MOK: variants seen among roughly 807,000 people sequenced by gnomAD.
The protein encoded by MOK is MOK protein kinase.
A neutral mutation model predicts 54.2 loss-of-function variants in MOK; 59 were observed. The observed-to-expected ratio is 1.09, with a 90% CI of 0.88 to 1.35. The LOEUF is 1.35. MOK is among the 40% of genes most tolerant of loss of function. The probability of loss-of-function intolerance (pLI) is 0.00; values close to 1 mark genes in which losing one functional copy is unlikely to be tolerated. For missense variants in MOK, 517 were observed against 526.2 expected (o/e 0.98, Z 0.17); for synonymous variants, 210 against 202.7 (o/e 1.04, Z -0.31).
chr14:102,279,595 A>C (rs2069205710), intron 2 of MOK, among the ~76,000 whole-genome samples: 1 of 152,050 alleles, frequency 6.6e-6, no homozygotes, highest in African/African-American at 2.4e-5. Flanking sequence ...TGTGAGACCC[A>C]CTGTGCCCAA....
downstream of MOK, among the ~76,000 whole-genome samples, chr14:102,223,876 A>G (rs116282308): frequency 0.029 from 4,389 of 152,142 alleles, 232 homozygotes; most frequent in African/African-American, 0.1. Context: ...GTCTGTGGCC[A>G]CTGTGGGCAG....
intron 7 of MOK, among the ~76,000 whole-genome samples, chr14:102,242,043 T>G (rs1030192260): frequency 1.3e-5 from 2 of 152,216 alleles, no homozygotes; most frequent in African/African-American, 4.8e-5. Flanking sequence ...TCCCTGGAAC[T>G]CTGGCCCAAG....
chr14:102,300,778 T>C lies in MOK; in HGVS notation c.7+4184A>G, dbSNP rs142170037. ...ACTTAATCTTTGAAACAATGCTATG[T>C]GATTGGTATTATCATCCCTGTTTAA... On this transcript the variant is annotated intron_variant, in intron 1 of 11. Transcript: ENST00000361847. Among the ~76,000 whole-genome samples the C allele has an allele frequency of 2.7e-3, 418 of 152,276 alleles. 1 individual carries two copies. The highest frequency in any genetic ancestry group is 9.3e-3 in the African/African-American group (386 of 41,554).
In MOK at chr14:102,235,656, A is replaced by C. The variant is rs541711250; in HGVS notation, c.591-1867T>G. The C allele has an allele frequency of 6.6e-5, 10 of 152,372 alleles. No individual in the cohort carries two copies. The East Asian group carries it at 1.9e-3, about 29-fold the overall frequency. The allele number at this position is 152,372 out of a possible 1,614,324, so 9.4% of individuals were successfully genotyped here. ...AAGGAATCTCCCAAAAGGCCAATGA[A>C]AACCCTGCCCAATTCCTTTCTCGCC... On this transcript the variant is annotated intron_variant, in intron 7 of 11. Coordinates refer to ENST00000361847, the MANE Select transcript of MOK (RefSeq NM_014226.3). The surrounding 1 kb of genome is among the most constrained non-coding windows in gnomAD (Gnocchi z 4.4).
intron 7 of MOK, among the ~76,000 whole-genome samples, chr14:102,247,168 C>T (rs1026984156): frequency 2.8e-4 from 42 of 152,198 alleles, no homozygotes; most frequent in South Asian, 6.2e-4. Context: ...CTTCCTCTTA[C>T]GCTGGGAAAA....
At chr14:102,217,189 T>C in the MOK span, among the ~76,000 whole-genome samples, 1 of 152,152 alleles carries the variant, frequency 6.6e-6, no homozygotes, top group South Asian at 2.1e-4. Flanking sequence ...CCCCACACAG[T>C]AGAGAGGATT....
intron 7 of MOK, among the ~76,000 whole-genome samples, chr14:102,248,777 CA>C (rs1228394075): frequency 0.017 from 857 of 49,122 alleles, 4 homozygotes; most frequent in African/African-American, 0.056. Flanking sequence ...GACTCCGTCT[CA>C]AAAAAAAAAA....
intron 2 of MOK, among the ~76,000 whole-genome samples, chr14:102,271,695 A>T (rs2068381869): frequency 6.6e-6 from 1 of 151,882 alleles, no homozygotes; most frequent in African/African-American, 2.4e-5. Flanking sequence ...AGTAACTGGG[A>T]TTACAGGCAT....
At chr14:102,215,653 CTT>C in the MOK span, among the ~76,000 whole-genome samples, 2 of 152,100 alleles carry the variant, frequency 1.3e-5, no homozygotes, top group Non-Finnish European at 2.9e-5. Context: ...AGTAGGAGCT[CTT>C]TTCCTGGCTA....
At chr14:102,243,601 T>G (rs1311269506) in intron 7 of MOK, among the ~76,000 whole-genome samples, 2 of 152,212 alleles carry the variant, frequency 1.3e-5, no homozygotes, top group African/African-American at 4.8e-5. Flanking sequence ...TGCATATACT[T>G]TCTGCTCCCT....
At chr14:102,260,446 A>G (rs1344429523) in intron 4 of MOK, 3 of 152,216 alleles carry the variant, frequency 2.0e-5, no homozygotes, top group Admixed American at 6.5e-5. Flanking sequence ...CCATATGGGT[A>G]CCATTCATGA....
At chr14:102,265,341 T>G (rs1040066027) in intron 3 of MOK, among the ~76,000 whole-genome samples, 1 of 152,128 alleles carries the variant, frequency 6.6e-6, no homozygotes, top group Non-Finnish European at 1.5e-5. Context: ...TAATTAAGAA[T>G]CAGATGCTGG....
At chr14:102,296,695 G>C (rs1862313033) in intron 1 of MOK, among the ~76,000 whole-genome samples, 1 of 152,080 alleles carries the variant, frequency 6.6e-6, no homozygotes, top group Non-Finnish European at 1.5e-5. Flanking sequence ...CGAGACAGGA[G>C]GACCACCAGA....
chr14:102,263,506 A>G, intron 4 of MOK, 40 bp downstream of exon 4: 2 of 1,425,738 alleles, frequency 1.4e-6, no homozygotes, highest in Admixed American at 2.0e-5. Context: ...ACAAGCCTTA[A>G]AAGAGGATCT....
chr14:102,251,128 C>G (rs1215115708), intron 6 of MOK, 138 bp from the exon 7 acceptor site: 1 of 881,300 alleles, frequency 1.1e-6, no homozygotes. Flanking sequence ...TACTGGCTTT[C>G]TGAGCACCTC....
chr14:102,267,775 C>T (rs1329626432), intron 2 of MOK, among the ~76,000 whole-genome samples: 2 of 152,034 alleles, frequency 1.3e-5, no homozygotes, highest in African/African-American at 2.4e-5. Context: ...GTTAGCAACT[C>T]GCACCCCAGG....
intron 7 of MOK, among the ~76,000 whole-genome samples, chr14:102,247,169 G>A (rs576700748): frequency 5.9e-5 from 9 of 151,996 alleles, no homozygotes; most frequent in Non-Finnish European, 1.2e-4. Flanking sequence ...TTCCTCTTAC[G>A]CTGGGAAAAA....
At chr14:102,268,190 G>C (rs932173882) in intron 2 of MOK, among the ~76,000 whole-genome samples, 37 of 152,192 alleles carry the variant, frequency 2.4e-4, no homozygotes, top group Non-Finnish European at 4.7e-4. Flanking sequence ...AACATATTTT[G>C]CTTATTGTAG....
At chr14:102,299,025 C>T (rs563860718) in intron 1 of MOK, among the ~76,000 whole-genome samples, 1 of 152,116 alleles carries the variant, frequency 6.6e-6, no homozygotes, top group Non-Finnish European at 1.5e-5. Context: ...GGAACAAACT[C>T]CAGACACACT....
Sources: allele counts gnomAD v4.1 joint callset (sites outside exome capture counted in the v4.1 genomes callset), GRCh38; gene constraint gnomAD v4.1.1; non-coding constraint Gnocchi (gnomAD v3.1); transcripts MANE v1.5; gene names NCBI Gene and HGNC (gene_info 2026-07-23, HGNC 2026-07-21).